KCNN2: variants seen among roughly 807,000 people sequenced by gnomAD.
KCNN2 encodes potassium calcium-activated channel subfamily N member 2.
In KCNN2, 24 loss-of-function variants were observed where a neutral mutation model predicts 55.5. That is an observed-to-expected ratio of 0.43 (90% CI 0.31 to 0.61). KCNN2 has a LOEUF of 0.61. KCNN2 is among the 20% of genes least tolerant of loss of function. KCNN2 has a pLI of 0.08. For missense variants in KCNN2, 754 were observed against 853.6 expected (o/e 0.88, Z 1.45); for synonymous variants, 431 against 336.1 (o/e 1.28, Z -3.09).
intron 1 of KCNN2, among the ~76,000 whole-genome samples, chr5:114,123,747 C>G (rs1289299268): frequency 6.6e-6 from 1 of 152,146 alleles, no homozygotes; most frequent in South Asian, 2.1e-4. Context: ...AGATTTTTGA[C>G]TTTGATATTC....
chr5:114,093,779 A>AC (rs1275809891), intron 1 of KCNN2, among the ~76,000 whole-genome samples: 2 of 151,902 alleles, frequency 1.3e-5, no homozygotes, highest in Non-Finnish European at 2.9e-5. Context: ...GTGGAAAACC[A>AC]CCCCCATGAT....
chr5:114,168,143 A>C (rs1428429615), intron 1 of KCNN2, among the ~76,000 whole-genome samples: 1 of 145,762 alleles, frequency 6.9e-6, no homozygotes, highest in African/African-American at 2.5e-5. Flanking sequence ...GTGTGTATAT[A>C]GATATATAAT....
chr5:114,360,719 A>G (rs1757392613), upstream of KCNN2, among the ~76,000 whole-genome samples: 1 of 152,160 alleles, frequency 6.6e-6, no homozygotes, highest in African/African-American at 2.4e-5. Flanking sequence ...TAGAGAGTAA[A>G]TAAATAAATA....
chr5:114,256,092 G>T (rs1754978228), intron 2 of KCNN2, among the ~76,000 whole-genome samples: 1 of 152,060 alleles, frequency 6.6e-6, no homozygotes, highest in Admixed American at 6.6e-5. Flanking sequence ...CAAGTGGAAT[G>T]TGCAGTATTT....
At chr5:114,385,987 G>A (rs1201551815) in intron 2 of KCNN2, among the ~76,000 whole-genome samples, 2 of 151,590 alleles carry the variant, frequency 1.3e-5, no homozygotes, top group Non-Finnish European at 2.9e-5. Context: ...GACCAGCCTG[G>A]CTAACATGGT....
intron 3 of KCNN2, among the ~76,000 whole-genome samples, chr5:114,408,902 T>C (rs1759030695): frequency 6.6e-6 from 1 of 152,216 alleles, no homozygotes. Flanking sequence ...GATTGTGAGG[T>C]GATGACCATT....
intron 4 of KCNN2, among the ~76,000 whole-genome samples, chr5:114,470,135 C>A (rs548466269): frequency 6.6e-6 from 1 of 152,086 alleles, no homozygotes; most frequent in Non-Finnish European, 1.5e-5. Context: ...AAGAATGGAG[C>A]CTGAGAATAA....
At chr5:114,484,879 A>G (rs1298316167) in intron 5 of KCNN2, among the ~76,000 whole-genome samples, 1 of 152,122 alleles carries the variant, frequency 6.6e-6, no homozygotes, top group Non-Finnish European at 1.5e-5. Context: ...ATGAGGAATC[A>G]TTTTCATTTA....
chr5:114,181,100 G>A (rs1357608024), intron 1 of KCNN2, among the ~76,000 whole-genome samples: 2 of 152,126 alleles, frequency 1.3e-5, no homozygotes, highest in Non-Finnish European at 2.9e-5. Flanking sequence ...TCTCATGCAA[G>A]TATTTTTGTG....
chr5:114,089,865 C>A (rs1468705762), intron 1 of KCNN2, among the ~76,000 whole-genome samples: 1 of 152,134 alleles, frequency 6.6e-6, no homozygotes, highest in Admixed American at 6.5e-5. Flanking sequence ...ATTTTCTGAT[C>A]TCCCTTTTAT....
exon 2 of KCNN2, among the ~76,000 whole-genome samples, chr5:114,221,512 T>G (rs995048962): frequency 6.6e-6 from 1 of 152,144 alleles, no homozygotes; most frequent in African/African-American, 2.4e-5. Flanking sequence ...AAGGATGGAC[T>G]CCAGCAAGAG....
chr5:114,311,582 C>A lies in KCNN2; in HGVS notation c.-184-49363C>A, dbSNP rs1311969727. Among the ~76,000 whole-genome samples, 3 of 152,102 alleles carry A rather than the reference C, an allele frequency of 2.0e-5. No homozygotes were observed. The East Asian group carries it at 5.8e-4, about 29-fold the overall frequency. On this transcript the variant is annotated intron_variant, in intron 2 of 10. Transcript: ENST00000512097. Reference sequence around the variant, plus strand: ...TCATGTCATCTCTTTCTACTTTGTGCCTTGCATTGATCTGAAGATTTCTCT... The same window carrying A: ...TCATGTCATCTCTTTCTACTTTGTGACTTGCATTGATCTGAAGATTTCTCT...
intron 2 of KCNN2, among the ~76,000 whole-genome samples, chr5:114,266,086 T>G (rs1441990958): frequency 6.6e-6 from 1 of 152,190 alleles, no homozygotes; most frequent in Non-Finnish European, 1.5e-5. Flanking sequence ...TTTAATAAAT[T>G]TTAAGTTTAT....
chr5:114,301,105 G>C (rs1756148594), intron 2 of KCNN2, among the ~76,000 whole-genome samples: 1 of 150,276 alleles, frequency 6.7e-6, no homozygotes, highest in Non-Finnish European at 1.5e-5. Flanking sequence ...GACTGTTCTT[G>C]AGAGTCCTTA....
Position 114,344,738 on chromosome 5 carries a change from C to A in KCNN2, c.-184-16207C>A, listed in dbSNP as rs569925343. ...GTCTAAGCGTTTAGAGGTTACCTCC[C>A]TGGAGCCAAGGACAAAGGCCAGACC... On this transcript the variant is annotated intron_variant, in intron 2 of 10. Coordinates refer to the KCNN2 transcript ENST00000512097. 1.7e-3 allele frequency among the ~76,000 whole-genome samples: 260 copies of A among 152,296 alleles called. 1 individual carries two copies. The highest frequency in any genetic ancestry group is 2.9e-3 in the Non-Finnish European group (198 of 68,026).
chr5:114,203,133 T>G (rs1421057721), intron 1 of KCNN2, among the ~76,000 whole-genome samples: 3 of 152,152 alleles, frequency 2.0e-5, no homozygotes, highest in Admixed American at 1.3e-4. Context: ...GGAGGAAAGT[T>G]TGAAAGGTTT....
intron 1 of KCNN2, among the ~76,000 whole-genome samples, chr5:114,146,751 C>T (rs1300362229): frequency 1.3e-5 from 2 of 152,024 alleles, no homozygotes; most frequent in African/African-American, 4.8e-5. Flanking sequence ...ATGTTTAAGA[C>T]CTGAAGCATT....
At chr5:114,342,382 C>T (rs1757032891) in intron 2 of KCNN2, among the ~76,000 whole-genome samples, 1 of 152,104 alleles carries the variant, frequency 6.6e-6, no homozygotes, top group African/African-American at 2.4e-5. Flanking sequence ...TGAATTGATG[C>T]AGATACACAG....
At chr5:114,146,683 G>T (rs1369122337) in intron 1 of KCNN2, among the ~76,000 whole-genome samples, 4 of 152,062 alleles carry the variant, frequency 2.6e-5, no homozygotes, top group Non-Finnish European at 5.9e-5. Flanking sequence ...TCTCAACACT[G>T]ATATTGAGAA....
Sources: allele counts gnomAD v4.1 joint callset (sites outside exome capture counted in the v4.1 genomes callset), GRCh38; gene constraint gnomAD v4.1.1; transcripts MANE v1.5; gene names NCBI Gene and HGNC (gene_info 2026-07-23, HGNC 2026-07-21).